HDAC9: variants seen among roughly 807,000 people sequenced by gnomAD.
HDAC9 encodes the protein histone deacetylase 9.
In HDAC9, 41 loss-of-function variants were observed where a neutral mutation model predicts 139.4. The observed-to-expected ratio is 0.29, with a 90% confidence interval of 0.23 to 0.38. The LOEUF (loss-of-function observed/expected upper bound fraction) is 0.38. HDAC9 is among the 10% of genes least tolerant of loss of function. The pLI is 1.00. For missense variants in HDAC9, 1,147 were observed against 1,297.0 expected, an observed-to-expected ratio of 0.88 and a Z score of 1.78; for synonymous variants, 517 against 476.2, an observed-to-expected ratio of 1.09 and a Z score of -1.12.
At chr7:18,381,389 T>C (rs1785433427) in intron 1 of HDAC9, among the ~76,000 whole-genome samples, 1 of 152,048 alleles carries the variant, frequency 6.6e-6, no homozygotes, top group Admixed American at 6.5e-5. Flanking sequence ...GTTTATATTA[T>C]CTGACCACCA....
chr7:18,564,543 C>T (rs933486131), intron 2 of HDAC9, among the ~76,000 whole-genome samples: 6 of 152,030 alleles, frequency 3.9e-5, no homozygotes, highest in Non-Finnish European at 8.8e-5. Context: ...AATAAGTGCG[C>T]AATTCTAATA....
intron 12 of HDAC9, among the ~76,000 whole-genome samples, chr7:18,718,136 A>G (rs957729980): frequency 3.3e-5 from 5 of 152,068 alleles, no homozygotes; most frequent in Admixed American, 2.6e-4. Context: ...TCATCCTCCT[A>G]CAACCCTAGG....
At chr7:18,679,560 ATCTT>A (rs1781755674) in intron 12 of HDAC9, among the ~76,000 whole-genome samples, 1 of 66,224 alleles carries the variant, frequency 1.5e-5, no homozygotes, top group Admixed American at 1.7e-4. Context: ...TTTTCTTTTC[ATCTT>A]TCTTTCCCTC....
chr7:18,349,309 C>A (rs1173056132), intron 1 of HDAC9, among the ~76,000 whole-genome samples: 1 of 12,064 alleles, frequency 8.3e-5, no homozygotes, highest in African/African-American at 1.7e-4. Flanking sequence ...AGAACATCTA[C>A]ACACACACAC....
At chr7:18,463,908 G>A (rs1456321960) in intron 1 of HDAC9, among the ~76,000 whole-genome samples, 1 of 151,716 alleles carries the variant, frequency 6.6e-6, no homozygotes, top group Admixed American at 6.6e-5. Flanking sequence ...TTCCACTGGG[G>A]GTATAGGACA....
In HDAC9 at chr7:18,146,634, A is replaced by G. The variant is rs1178357; in HGVS notation, c.-96-15595A>G. 5.6e-3 allele frequency among the ~76,000 whole-genome samples: 853 copies of G among 152,298 alleles called. 8 individuals carry two copies. The highest frequency in any genetic ancestry group is 0.02 in the African/African-American group (817 of 41,568). ...AACGGGCTGCAGAAACAATGCTTTT[A>G]ACTTTTATTTGTGTCATATATTTAA... On this transcript the variant is annotated intron_variant, in intron 1 of 12. Coordinates refer to the HDAC9 transcript ENST00000417496.
rs55866735 is a variant in HDAC9 at position 18,916,022 on chromosome 7, GAAA to G, written c.2804-19773_2804-19771del. 3.5e-3 allele frequency among the ~76,000 whole-genome samples: 483 copies of G among 138,124 alleles called. 3 individuals are homozygous for G. The highest frequency in any genetic ancestry group is 0.011 in the African/African-American group (404 of 37,900). 90.6% of individuals were successfully genotyped at this position (138,124 alleles called of 152,430 possible). ...CAGACCCTCCTCTCACCCCCCGCTGGAAAAAAAAAAAAAAAACAGAAAAAGACA... is the reference window on the plus strand; with the variant it reads ...CAGACCCTCCTCTCACCCCCCGCTGGAAAAAAAAAAAAACAGAAAAAGACA... On this transcript the variant is annotated intron_variant, in intron 22 of 25. Coordinates refer to ENST00000686413, the MANE Select transcript of HDAC9 (RefSeq NM_178425.4).
intron 21 of HDAC9, among the ~76,000 whole-genome samples, chr7:18,850,123 G>GAAAAAA (rs1797181204): frequency 6.8e-6 from 1 of 147,126 alleles, no homozygotes; most frequent in Admixed American, 6.8e-5. Flanking sequence ...AAGCAAACAC[G>GAAAAAA]AAGCATTATT....
At chr7:18,886,592 A>G (rs940632924) in intron 22 of HDAC9, among the ~76,000 whole-genome samples, 17 of 152,168 alleles carry the variant, frequency 1.1e-4, no homozygotes, top group Admixed American at 1.1e-3. Context: ...TTGTGCCACA[A>G]TTGATGGCAT....
intron 17 of HDAC9, among the ~76,000 whole-genome samples, chr7:18,811,817 TGA>T (rs1187647432): frequency 1.3e-5 from 2 of 151,012 alleles, no homozygotes; most frequent in African/African-American, 2.4e-5. Context: ...GGTGTGTGTG[TGA>T]GAGAGAGAGG....
At chr7:18,988,475 A>G (rs1429246370) in intron 25 of HDAC9, among the ~76,000 whole-genome samples, 1 of 151,492 alleles carries the variant, frequency 6.6e-6, no homozygotes, top group African/African-American at 2.4e-5. Flanking sequence ...GGAGAGCTTT[A>G]CTTCCAAGTA....
At chr7:18,139,189 A>G (rs1785699030) in intron 1 of HDAC9, among the ~76,000 whole-genome samples, 1 of 146,982 alleles carries the variant, frequency 6.8e-6, no homozygotes, top group South Asian at 2.1e-4. Flanking sequence ...GCAGTGGCAC[A>G]ATCTTGGCTC....
intron 2 of HDAC9, among the ~76,000 whole-genome samples, chr7:18,257,407 A>C (rs1005034679): frequency 1.3e-5 from 2 of 148,694 alleles, no homozygotes; most frequent in African/African-American, 5.0e-5. Flanking sequence ...TCTCCCACAC[A>C]CACACACACA....
At chr7:18,895,895 T>C (rs1247691569) in intron 22 of HDAC9, among the ~76,000 whole-genome samples, 2 of 152,080 alleles carry the variant, frequency 1.3e-5, no homozygotes, top group Non-Finnish European at 2.9e-5. Flanking sequence ...ATTAACCACT[T>C]TTTAAATGGA....
chr7:18,785,863 G>A (rs551802377), intron 16 of HDAC9, among the ~76,000 whole-genome samples: 4 of 152,142 alleles, frequency 2.6e-5, no homozygotes, highest in African/African-American at 4.8e-5. Flanking sequence ...CTTAATAATA[G>A]CATCTACATT....
At chr7:18,263,863 C>G (rs909671804) in intron 2 of HDAC9, among the ~76,000 whole-genome samples, 3 of 152,146 alleles carry the variant, frequency 2.0e-5, no homozygotes, top group African/African-American at 7.2e-5. Context: ...AAGTGATTGA[C>G]CTGTCTCAGT....
At chr7:18,954,111 T>C (rs767042304) in intron 23 of HDAC9, 35 bp from the exon 24 acceptor site, 6 of 1,415,172 alleles carry the variant, frequency 4.2e-6, no homozygotes, top group South Asian at 1.3e-5. Flanking sequence ...AAAGTCATAA[T>C]ATTCTGCTCA....
intron 2 of HDAC9, among the ~76,000 whole-genome samples, chr7:18,582,802 T>C (rs1475874128): frequency 6.6e-6 from 1 of 152,182 alleles, no homozygotes; most frequent in African/African-American, 2.4e-5. Context: ...TAGAAATATG[T>C]AACACTTCTT....
intron 1 of HDAC9, among the ~76,000 whole-genome samples, chr7:18,357,776 C>G (rs2128684053): frequency 6.6e-6 from 1 of 152,098 alleles, no homozygotes; most frequent in African/African-American, 2.4e-5. Flanking sequence ...AGGAGCATGG[C>G]TTGTTGCAGA....
Sources: gnomAD v4.1 joint callset for allele counts (sites outside exome capture counted in the v4.1 genomes callset) on GRCh38, gnomAD v4.1.1 for gene constraint, MANE v1.5 for transcripts, NCBI Gene and HGNC (gene_info 2026-07-23, HGNC 2026-07-21) for gene names.